PEG3: variants seen among roughly 807,000 people sequenced by gnomAD.
The protein encoded by PEG3 is paternally-expressed gene 3 protein.
In PEG3, 23 loss-of-function variants were observed where a neutral mutation model predicts 35.5. The observed-to-expected ratio is 0.65, with a 90% CI of 0.47 to 0.92. PEG3 has a LOEUF of 0.92. Ranked by LOEUF, PEG3 falls within the 40% of genes least tolerant of loss-of-function variation. The pLI is 0.00. For missense variants in PEG3, 1,960 were observed against 1,985.3 expected, an observed-to-expected ratio of 0.99 and a Z score of 0.24; for synonymous variants, 707 against 697.0, an observed-to-expected ratio of 1.01 and a Z score of -0.23.
chr19:56,836,479 T>C (rs986599950), intron 1 of PEG3, among the ~76,000 whole-genome samples: 2 of 152,214 alleles, frequency 1.3e-5, no homozygotes, highest in Non-Finnish European at 2.9e-5. Flanking sequence ...TAGTACCCTT[T>C]ATCACGTAAA....
In PEG3 at chr19:56,836,003, G is replaced by A. The variant is rs762438700; in HGVS notation, c.-163+15C>T. ...AAAGATGAATGTGGCACTGTGAGGA[G>A]GAAATTCAACTCACCTGGACCCAGC... On this transcript the variant is annotated intron_variant, in intron 2 of 9. Transcript: ENST00000326441. The A allele has an allele frequency of 1.2e-5, 6 of 510,312 alleles. No homozygotes were observed. Among genetic ancestry groups the A allele is most frequent in the Non-Finnish European group, 2.0e-5 (5 of 255,882 alleles). The allele number at this position is 510,312 out of a possible 1,614,324, so 31.6% of individuals were successfully genotyped here.
In PEG3 at chr19:56,828,812, A is replaced by G. The variant is rs2061303278; in HGVS notation, c.-162-2349T>C. ...TTACTTAACATCAAAAATCAAAGAA[A>G]TGTAAAATATTACAATAAACCTTTT... On this transcript the variant is annotated intron_variant, in intron 2 of 9. Coordinates refer to ENST00000326441, the MANE Select transcript of PEG3 (RefSeq NM_006210.3). Among the ~76,000 whole-genome samples the G allele has an allele frequency of 2.0e-5, 3 of 152,186 alleles. 1 individual carries two copies. In the South Asian group the frequency reaches 6.2e-4, roughly 32 times the overall value.
At chr19:56,824,766 CAT>C in intron 3 of PEG3, 25 bp from the exon 4 acceptor site, 1 of 1,052,378 alleles carries the variant, frequency 9.5e-7, no homozygotes, top group Non-Finnish European at 1.4e-6. Flanking sequence ...GAGATATACA[CAT>C]GTCCCAGAAG....
chr19:56,816,006 A>T lies in PEG3; in HGVS notation c.2436T>A (p.Ala812=). The T allele has an allele frequency of 6.3e-7, 1 of 1,587,996 alleles. No individual in the cohort carries two copies. Among genetic ancestry groups the T allele is most frequent in the Non-Finnish European group, 8.6e-7 (1 of 1,167,722 alleles). Residue 812 remains alanine (A), a synonymous_variant, in exon 10 of 10, where the codon GCT becomes GCA. Transcript: ENST00000326441. ...CAGCACGAACTCTCTGATGGTTGAT[A>T]GCATCGAAGCTCTGAATGGTAGACT... The part of the protein sequence containing the change: ...MAESTIQSFD[A]INHQRVRAGG...
At position 56,816,390 on chromosome 19, in the gene PEG3, G is replaced by C; in HGVS notation, c.2052C>G (p.Leu684=). Residue 684 remains leucine, a synonymous_variant, in exon 10 of 10, where the codon CTC becomes CTG. Transcript: ENST00000326441. ...RRQKTYNKEK[L]CDFTDGRDAF... is the part of the protein sequence containing the mutation. ...CATCCCGGCCATCTGTAAAGTCACA[G>C]AGCTTCTCCTTATTGTAAGTTTTCT... The C allele has an allele frequency of 6.2e-7, 1 of 1,614,018 alleles. No homozygotes were observed. The highest frequency in any genetic ancestry group is 8.5e-7 in the Non-Finnish European group (1 of 1,179,914).
rs1245667194 is a variant in PEG3, at chr19:56,811,689, T to G, written c.*1986A>C. ...TCTCGTTTCAAGAGTCCTTTTCCCA[T>G]GTAGTAAACCTCACTGCCCCTCAGC... On this transcript the variant is annotated 3_prime_UTR_variant, in exon 10 of 10. Transcript: ENST00000326441. 1 of 985,398 alleles carries G rather than the reference T, an allele frequency of 1.0e-6. No individual in the cohort carries two copies. The highest frequency in any genetic ancestry group is 1.7e-5 in the African/African-American group (1 of 57,230). The allele number at this position is 985,398 out of a possible 1,614,324, so 61.0% of individuals were successfully genotyped here. A position where few individuals can be genotyped will look rare whatever the true frequency, so the allele number is the denominator to read the frequency against.
chr19:56,813,935 GTTC>G lies in PEG3; in HGVS notation c.4504_4506del (p.Glu1502del), dbSNP rs1568612984. 2 of 1,614,148 alleles carry G rather than the reference GTTC, an allele frequency of 1.2e-6. No individual in the cohort carries two copies. Among genetic ancestry groups the G allele is most frequent in the Admixed American group, 1.7e-5 (1 of 60,016 alleles). On this transcript the variant is annotated inframe_deletion, in exon 10 of 10. Coordinates refer to ENST00000326441, the MANE Select transcript of PEG3 (RefSeq NM_006210.3). ...GTGCATTCATGGCAGTCATAGTATG[GTTC>G]TTCTACCTGAATCTCTTGATCTTCA...
rs1318510310 is a variant in PEG3 at position 56,814,282 on chromosome 19, A to G, written c.4160T>C (p.Ile1387Thr). ...AGCAGCCTCTACGTTTAAGCCCTGA[A>G]TCCTCAGAACTACTTGTGGAACATG... The part of the protein sequence containing the change: ...NVHVPQVVLR[I>T]QGLNVEAAEP... Residue 1387 changes from isoleucine (I) to threonine (T), a missense_variant, in exon 10 of 10, where the codon ATT becomes ACT. This residue lies in a region of PEG3 where 416 missense variants were observed against 416.7 expected (regional missense o/e 1.00). Coordinates refer to ENST00000326441, the MANE Select transcript of PEG3 (RefSeq NM_006210.3). This position sits in a 1 kb window ranked among gnomAD's most constrained non-coding sequence, Gnocchi z 5.8. 2.5e-6 allele frequency: 4 copies of G among 1,613,202 alleles called. No homozygotes were observed. The African/African-American group carries it at 4.0e-5, about 16-fold the overall frequency.
rs764269213 is a variant in PEG3, at chr19:56,814,744, C to T, written c.3698G>A (p.Gly1233Asp). 3 of 1,614,000 alleles carry T rather than the reference C, an allele frequency of 1.9e-6. No homozygotes were observed. The highest frequency in any genetic ancestry group is 1.3e-5 in the African/African-American group (1 of 74,920). The change falls in exon 10 of 10, where the codon GGC (glycine) becomes GAC (aspartate). Residue 1233 changes from glycine to aspartate, a missense_variant. By Grantham distance (94) the Gly-to-Asp change is moderately conservative (BLOSUM62 -1). Around this residue, in one of 5 missense-constraint regions of PEG3, gnomAD observed 124 missense variants for 179.6 expected, o/e 0.69. Transcript: ENST00000326441. The surrounding 1 kb of genome is among the most constrained non-coding windows in gnomAD (Gnocchi z 5.8). The stretch of plus-strand genomic sequence containing the variant: ...ATTAAGGGCAGAGCTATGAATGAAG[C>T]CTTGTCCACACAAAAGGCATCGAAT... ...SAIRCLLCGQ[G>D]FIHSSALNEH...
At position 56,824,933 on chromosome 19, in the gene PEG3, C is replaced by A. The variant is rs188701245; in HGVS notation, c.-86-192G>T. 1.1e-5 allele frequency: 4 copies of A among 357,554 alleles called. No homozygotes were observed. The South Asian group carries it at 2.8e-4, about 25-fold the overall frequency. The allele number at this position is 357,554 out of a possible 1,614,324, so 22.1% of individuals were successfully genotyped here. On this transcript the variant is annotated intron_variant, in intron 3 of 9. Coordinates refer to ENST00000326441, the MANE Select transcript of PEG3 (RefSeq NM_006210.3). ...CCTCTGGGCTTCACAGAGACCTACT[C>A]GAGGAGTTAGCTCGGCTACTAACTT...
chr19:56,821,003 T>C (rs1159337696), intron 7 of PEG3, among the ~76,000 whole-genome samples: 1 of 152,208 alleles, frequency 6.6e-6, no homozygotes, highest in Non-Finnish European at 1.5e-5. Context: ...CAAGCTCAAG[T>C]TCCACATTTT....
chr19:56,817,707 G>T, intron 9 of PEG3, 39 bp downstream of exon 9: 4 of 1,580,538 alleles, frequency 2.5e-6, no homozygotes, highest in Admixed American at 1.7e-5. Context: ...GCATCTCACT[G>T]GTTGTGTGGC....
At position 56,814,344 on chromosome 19, in the gene PEG3, A is replaced by C; in HGVS notation, c.4098T>G (p.Ala1366=). ...CAACTTCCTGGGCTGCTGCTGCTGC[A>C]GCTGCTGCTGCTTCATCTTCTTCTT... ...EEEEEDEAAA[A]AAAAAQEVEA... Residue 1366 remains alanine, a synonymous_variant, in exon 10 of 10, where the codon GCT becomes GCG. Transcript: ENST00000326441. The surrounding 1 kb of genome is among the most constrained non-coding windows in gnomAD (Gnocchi z 5.8). 6.2e-7 allele frequency: 1 copy of C among 1,613,302 alleles called. No homozygotes were observed. Among genetic ancestry groups the C allele is most frequent in the Non-Finnish European group, 8.5e-7 (1 of 1,179,376 alleles).
At position 56,824,484 on chromosome 19, in the gene PEG3, C is replaced by T. The variant is rs140343570; in HGVS notation, c.172G>A (p.Val58Ile). The change falls in exon 4 of 10, where the codon GTT becomes ATT. Residue 58 changes from valine (V) to isoleucine (I), a missense_variant. Physicochemically the swap from Val to Ile is conservative, Grantham distance 29. Around this residue, in one of 5 missense-constraint regions of PEG3, gnomAD observed 613 missense variants for 577.1 expected, o/e 1.06. Coordinates refer to ENST00000326441, the MANE Select transcript of PEG3 (RefSeq NM_006210.3). ...RFRNLIYVEFVGPRKTLIKLR... is the reference protein window; with the variant it reads ...RFRNLIYVEFIGPRKTLIKLR... ...TTGATCAGGGTCTTCCGAGGCCCAA[C>T]AAATTCCACATAGATTAGGTTCCGA... is the stretch of plus-strand genomic sequence containing the variant. 3 of 1,613,992 alleles carry T rather than the reference C, an allele frequency of 1.9e-6. No individual in the cohort carries two copies. The highest frequency in any genetic ancestry group is 1.3e-5 in the African/African-American group (1 of 74,908).
Position 56,824,561 on chromosome 19 carries a change from T to A in PEG3, c.95A>T (p.Asp32Val). 6.2e-7 allele frequency: 1 copy of A among 1,614,172 alleles called. No homozygotes were observed. Among genetic ancestry groups the A allele is most frequent in the Non-Finnish European group, 8.5e-7 (1 of 1,180,032 alleles). Reference protein sequence around the residue: ...ELDSDLTKEPDVIIGEGPTDS... With the variant: ...ELDSDLTKEPVVIIGEGPTDS... ...AGTTGGACCTTCTCCTATGATGACA[T>A]CCGGCTCCTTAGTCAAGTCACTGTC... The change falls in exon 4 of 10, where the codon GAT becomes GTT. Residue 32 changes from aspartate to valine, a missense_variant. Asp to Val is a radical substitution (Grantham distance 152, BLOSUM62 -3). Coordinates refer to ENST00000326441, the MANE Select transcript of PEG3 (RefSeq NM_006210.3).
rs1428515848 is a variant in PEG3, at chr19:56,824,358, C to T, written c.298G>A (p.Glu100Lys). 3 of 1,614,024 alleles carry T rather than the reference C, an allele frequency of 1.9e-6. No individual in the cohort carries two copies. The highest frequency in any genetic ancestry group is 2.5e-6 in the Non-Finnish European group (3 of 1,180,042). Reference protein sequence around the residue: ...VLEQYLTIIPEKLKPWVRAKK... With the variant: ...VLEQYLTIIPKKLKPWVRAKK... Reference sequence around the variant, plus strand: ...GCTCGCACCCAAGGCTTGAGCTTTTCAGGGATGATGGTCAGGTACTGCTCA... The same window carrying T: ...GCTCGCACCCAAGGCTTGAGCTTTTTAGGGATGATGGTCAGGTACTGCTCA... Residue 100 changes from glutamate (E) to lysine (K), a missense_variant, in exon 4 of 10, where the codon GAA becomes AAA. Around this residue, in one of 5 missense-constraint regions of PEG3, gnomAD observed 613 missense variants for 577.1 expected, o/e 1.06. Coordinates refer to ENST00000326441, the MANE Select transcript of PEG3 (RefSeq NM_006210.3).
Position 56,814,690 on chromosome 19 carries a change from T to A in PEG3, c.3752A>T (p.Asp1251Val). The change falls in exon 10 of 10, where the codon GAT becomes GTT. Residue 1251 changes from aspartate (D) to valine (V), a missense_variant. Asp to Val is a radical substitution (Grantham distance 152, BLOSUM62 -3). This residue lies in a region of PEG3 where 416 missense variants were observed against 416.7 expected (regional missense o/e 1.00). Coordinates refer to ENST00000326441, the MANE Select transcript of PEG3 (RefSeq NM_006210.3). The surrounding 1 kb of genome is among the most constrained non-coding windows in gnomAD (Gnocchi z 5.8). ...NEHMRLHREDDLLEQSQMAEE... is the reference protein window; with the variant it reads ...NEHMRLHREDVLLEQSQMAEE... ...AGCCATCTGGCTCTGCTCCAGTAAA[T>A]CATCTTCCCTATGAAGTCTCATATG... is the stretch of plus-strand genomic sequence containing the variant. The A allele has an allele frequency of 1.2e-6, 2 of 1,614,008 alleles. No homozygotes were observed. The highest frequency in any genetic ancestry group is 1.7e-6 in the Non-Finnish European group (2 of 1,179,968).
In PEG3 at chr19:56,815,627, T is replaced by C; in HGVS notation, c.2815A>G (p.Lys939Glu). 1 of 1,614,148 alleles carries C rather than the reference T, an allele frequency of 6.2e-7. No homozygotes were observed. The highest frequency in any genetic ancestry group is 8.5e-7 in the Non-Finnish European group (1 of 1,180,018). Residue 939 changes from lysine (K) to glutamate (E), a missense_variant, in exon 10 of 10, where the codon AAG becomes GAG. Transcript: ENST00000326441. ...TTGCTCCTATGCTCAATGTATTTCT[T>C]TTTAGCACGAGCCTTCTGGTATTCA... ...VREYQKARAK[K>E]KYIEHRSNET...
At chr19:56,835,157 C>T (rs1027595628) in intron 2 of PEG3, among the ~76,000 whole-genome samples, 8 of 152,090 alleles carry the variant, frequency 5.3e-5, no homozygotes, top group African/African-American at 1.9e-4. Context: ...AGTTGGTCTC[C>T]CCACACCCAC....
Sources: gnomAD v4.1 joint callset for allele counts (sites outside exome capture counted in the v4.1 genomes callset) on GRCh38, gnomAD v4.1.1 for gene constraint, gnomAD v4.1.1 regional missense constraint, Gnocchi (gnomAD v3.1) non-coding constraint, MANE v1.5 for transcripts, NCBI Gene and HGNC (gene_info 2026-07-23, HGNC 2026-07-21) for gene names.